Variants in DNAJB6 observed in about 807,000 individuals in gnomAD.
The protein encoded by DNAJB6 is DnaJ heat shock protein family (Hsp40) member B6.
DNAJB6 carries 16 observed loss-of-function variants against 42.7 expected under a neutral mutation model. That is an observed-to-expected ratio of 0.37 (90% CI 0.25 to 0.57). The LOEUF is 0.57. Ranked by LOEUF, DNAJB6 falls within the 20% of genes least tolerant of loss-of-function variation. The pLI is 0.74. For synonymous variants in DNAJB6, 170 were observed against 163.5 expected (o/e 1.04, Z -0.30); for missense variants, 347 against 416.8 (o/e 0.83, Z 1.46).
chr7:157,385,755 G>A (rs1422824221), intron 8 of DNAJB6, 144 bp downstream of exon 8: 6 of 1,451,790 alleles, frequency 4.1e-6, no homozygotes, highest in Middle Eastern at 2.5e-4. Context: ...CAGTATAATT[G>A]TACCTAAAGT....
intron 8 of DNAJB6, among the ~76,000 whole-genome samples, chr7:157,395,684 C>CTTTTTTTTTTTTT (rs869242320): frequency 1.5e-5 from 2 of 131,896 alleles, no homozygotes; most frequent in Non-Finnish European, 3.3e-5. Context: ...TTTTTCTTTT[C>CTTTTTTTTTTTTT]TTTTTTTTTT....
chr7:157,358,706 C>T (rs893883947), intron 2 of DNAJB6, 69 bp downstream of exon 2: 9 of 1,231,012 alleles, frequency 7.3e-6, no homozygotes, highest in African/African-American at 4.5e-5. Context: ...AGTATAACTT[C>T]TTCTATTGCC....
Position 157,400,407 on chromosome 7 carries a change from C to T in DNAJB6, c.692-9388C>T, listed in dbSNP as rs561218350. 2.0e-5 allele frequency among the ~76,000 whole-genome samples: 3 copies of T among 152,348 alleles called. No individual in the cohort carries two copies. The East Asian group carries it at 5.8e-4, about 29-fold the overall frequency. On this transcript the variant is annotated intron_variant, in intron 8 of 9. Transcript: ENST00000262177. ...CCGTGATGCTTGCTGTGCAGCAGGC[C>T]GGCTGGTGGAGAGCTTTCGCTGGCA... is the stretch of plus-strand genomic sequence containing the variant.
intron 8 of DNAJB6, among the ~76,000 whole-genome samples, chr7:157,401,083 C>T (rs894153725): frequency 1.1e-4 from 16 of 152,320 alleles, no homozygotes; most frequent in African/African-American, 3.8e-4. Flanking sequence ...GCCTCCTCGC[C>T]TCTGATTTCT....
rs755351649 is a variant in DNAJB6, at chr7:157,384,914, T to C, written c.526T>C (p.Ser176Pro). 1 of 1,613,774 alleles carries C rather than the reference T, an allele frequency of 6.2e-7. No individual in the cohort carries two copies. The highest frequency in any genetic ancestry group is 8.5e-7 in the Non-Finnish European group (1 of 1,179,898). The change falls in exon 7 of 10, where the codon TCT becomes CCT. Residue 176 changes from serine (S) to proline (P), a missense_variant. Physicochemically the swap from Ser to Pro is moderately conservative, Grantham distance 74. Coordinates refer to ENST00000262177, the MANE Select transcript of DNAJB6 (RefSeq NM_058246.4). ...AGGTCACGGGGGCCTCACTTCATTC[T>C]CTTCCACGTCATTTGGTGGTAGTGG... The part of the protein sequence containing the change: ...SLGHGGLTSF[S>P]STSFGGSGMG...
intron 8 of DNAJB6, among the ~76,000 whole-genome samples, chr7:157,395,272 T>C (rs537186993): frequency 6.6e-6 from 1 of 152,342 alleles, no homozygotes; most frequent in South Asian, 2.1e-4. Context: ...TTAATGTAGT[T>C]AAAGCAATAG....
At chr7:157,384,178 T>C (rs1008359632) in intron 6 of DNAJB6, among the ~76,000 whole-genome samples, 1 of 152,256 alleles carries the variant, frequency 6.6e-6, no homozygotes, top group African/African-American at 2.4e-5. Context: ...GTGAAAGTTT[T>C]TAGTGTCCAC....
At chr7:157,380,801 G>A (rs980478151) in intron 5 of DNAJB6, 18 of 152,346 alleles carry the variant, frequency 1.2e-4, no homozygotes, top group Middle Eastern at 6.8e-3. Flanking sequence ...TCATTCTGAC[G>A]AGCTCTATAG....
chr7:157,338,833 G>A (rs1798188690), intron 1 of DNAJB6, among the ~76,000 whole-genome samples: 1 of 152,210 alleles, frequency 6.6e-6, no homozygotes, highest in African/African-American at 2.4e-5. Flanking sequence ...GATTTGACAG[G>A]AAGTGGGAGA....
chr7:157,357,325 C>CCTT lies in DNAJB6; in HGVS notation c.-26-1222_-26-1221insCTT, dbSNP rs1554455121. 1.4e-4 allele frequency among the ~76,000 whole-genome samples: 17 copies of CCTT among 120,182 alleles called. 4 individuals are homozygous for CCTT. Among genetic ancestry groups the CCTT allele is most frequent in the Non-Finnish European group, 1.6e-4 (9 of 56,474 alleles). 78.8% of individuals were successfully genotyped at this position (120,182 alleles called of 152,430 possible). On this transcript the variant is annotated intron_variant, in intron 1 of 9. Transcript: ENST00000262177. Reference sequence around the variant, plus strand: ...TTCCTTCCTTCCTTCCTTCCTTCCTCGTTCCGTCGCCCGGGCTGGAGTCCG... The same window carrying CCTT: ...TTCCTTCCTTCCTTCCTTCCTTCCTCCTTGTTCCGTCGCCCGGGCTGGAGTCCG...
intron 6 of DNAJB6, among the ~76,000 whole-genome samples, chr7:157,383,939 T>C (rs2117084770): frequency 6.6e-6 from 1 of 152,372 alleles, no homozygotes; most frequent in East Asian, 1.9e-4. Flanking sequence ...TTAATGTCAC[T>C]AGTTTCTGCT....
At chr7:157,341,521 C>G (rs1187622129) in intron 1 of DNAJB6, among the ~76,000 whole-genome samples, 1 of 152,166 alleles carries the variant, frequency 6.6e-6, no homozygotes, top group East Asian at 1.9e-4. Flanking sequence ...TGATATTTTT[C>G]TACTTACCTT....
At chr7:157,407,032 T>G (rs1036069169) in intron 8 of DNAJB6, among the ~76,000 whole-genome samples, 13 of 152,126 alleles carry the variant, frequency 8.5e-5, no homozygotes, top group African/African-American at 3.1e-4. Context: ...TGAAGACAGG[T>G]CCTCGGACAC....
chr7:157,351,093 C>T (rs1229724331), intron 1 of DNAJB6, among the ~76,000 whole-genome samples: 4 of 151,986 alleles, frequency 2.6e-5, no homozygotes, highest in African/African-American at 7.3e-5. Flanking sequence ...TGCCACCATG[C>T]CTAGTTAATT....
At chr7:157,370,244 TTTC>T (rs1222073278) in intron 5 of DNAJB6, among the ~76,000 whole-genome samples, 1 of 148,598 alleles carries the variant, frequency 6.7e-6, no homozygotes, top group Non-Finnish European at 1.5e-5. Flanking sequence ...AAACAGGCCC[TTTC>T]TTAACATTAT....
In DNAJB6 at chr7:157,399,007, T is replaced by C. The variant is rs143047430; in HGVS notation, c.692-10788T>C. ...TATATAGAAAGATTTTAGAAAATGG[T>C]TGGCTTTCAGAAAGTGGTGTTGGCT... On this transcript the variant is annotated intron_variant, in intron 8 of 9. Transcript: ENST00000262177. 1.5e-3 allele frequency among the ~76,000 whole-genome samples: 221 copies of C among 152,364 alleles called. 1 individual carries two copies. Among genetic ancestry groups the C allele is most frequent in the African/African-American group, 5.2e-3 (216 of 41,596 alleles).
At chr7:157,356,708 G>A (rs1047362761) in intron 1 of DNAJB6, among the ~76,000 whole-genome samples, 1 of 152,190 alleles carries the variant, frequency 6.6e-6, no homozygotes, top group South Asian at 2.1e-4. Flanking sequence ...CGTTAAATTG[G>A]AATAATTACA....
intron 1 of DNAJB6, among the ~76,000 whole-genome samples, chr7:157,352,596 C>T (rs1223595670): frequency 6.6e-6 from 1 of 152,068 alleles, no homozygotes; most frequent in Non-Finnish European, 1.5e-5. Flanking sequence ...GCTCAGGCGG[C>T]TGTCTGTGTG....
chr7:157,404,284 GT>G lies in DNAJB6; in HGVS notation c.692-5501del, dbSNP rs199978706. Among the ~76,000 whole-genome samples the G allele has an allele frequency of 4.2e-3, 611 of 144,410 alleles. 5 individuals carry two copies. The highest frequency in any genetic ancestry group is 0.021 in the South Asian group (94 of 4,510). 94.7% of individuals were successfully genotyped at this position (144,410 alleles called of 152,430 possible). A position where few individuals can be genotyped will look rare whatever the true frequency, so the allele number is the denominator to read the frequency against. On this transcript the variant is annotated intron_variant, in intron 8 of 9. Transcript: ENST00000262177. Reference sequence around the variant, plus strand: ...CTGCCACTTTCAGCCCTACTGTGCAGTTTTTTTTTTCTTTTTCTTTTTTTGA... The same window carrying G: ...CTGCCACTTTCAGCCCTACTGTGCAGTTTTTTTTTCTTTTTCTTTTTTTGA...
Sources: allele counts gnomAD v4.1 joint callset (sites outside exome capture counted in the v4.1 genomes callset), GRCh38; gene constraint gnomAD v4.1.1; transcripts MANE v1.5; gene names NCBI Gene and HGNC (gene_info 2026-07-23, HGNC 2026-07-21).